The following NRXN1 variants were observed in gnomAD, a reference collection of about 807,000 sequenced individuals.
NRXN1 encodes neurexin-1.
Under a neutral mutation model 150.9 loss-of-function variants are expected in NRXN1, and 39 were observed. The ratio of observed to expected loss-of-function variants is 0.26; its 90% confidence interval spans 0.20 to 0.34. The LOEUF (loss-of-function observed/expected upper bound fraction) is 0.34. Ranked by LOEUF, NRXN1 falls within the 10% of genes least tolerant of loss-of-function variation. The pLI, the probability that NRXN1 is intolerant of heterozygous loss-of-function variation, is 1.00. For synonymous variants in NRXN1, 924 were observed against 757.0 expected, an observed-to-expected ratio of 1.22 and a Z score of -3.62; for missense variants, 1,815 against 1,949.9, an observed-to-expected ratio of 0.93 and a Z score of 1.30.
chr2:50,627,357 ATG>A (rs34870955), intron 5 of NRXN1, among the ~76,000 whole-genome samples: 3,611 of 143,574 alleles, frequency 0.025, 109 homozygotes, highest in African/African-American at 0.073. Flanking sequence ...TGGTTCATGT[ATG>A]TGTGTGTGTG....
chr2:50,963,365 C>T (rs1430619986), intron 2 of NRXN1, among the ~76,000 whole-genome samples: 1 of 151,566 alleles, frequency 6.6e-6, no homozygotes, highest in East Asian at 1.9e-4. Flanking sequence ...TTCTCCCTTT[C>T]ACTTTCCTCC....
Position 51,028,084 on chromosome 2 carries a change from G to A in NRXN1, c.190C>T (p.Arg64Cys), listed in dbSNP as rs201566733. The A allele has an allele frequency of 3.2e-6, 5 of 1,587,002 alleles. No individual in the cohort carries two copies. Among genetic ancestry groups the A allele is most frequent in the Non-Finnish European group, 4.3e-6 (5 of 1,170,110 alleles). The change falls in exon 2 of 23, where the codon CGC becomes TGC. Residue 64 changes from arginine to cysteine, a missense_variant. Arg to Cys is a radical substitution (Grantham distance 180). Coordinates refer to ENST00000401669, the MANE Select transcript of NRXN1 (RefSeq NM_001330078.2). Reference protein sequence around the residue: ...MSFQLKTRSARGLVLYFDDEG... With the variant: ...MSFQLKTRSACGLVLYFDDEG... Reference sequence around the variant, plus strand: ...TCGTCGAAGTAGAGCACGAGGCCGCGGGCGCTGCGAGTCTTGAGCTGGAAG... The same window carrying A: ...TCGTCGAAGTAGAGCACGAGGCCGCAGGCGCTGCGAGTCTTGAGCTGGAAG...
Position 50,324,905 on chromosome 2 carries a change from T to A in NRXN1, c.3365-87935A>T, listed in dbSNP as rs144939540. 2.6e-4 allele frequency among the ~76,000 whole-genome samples: 39 copies of A among 152,316 alleles called. 2 individuals carry two copies. In the East Asian group the frequency reaches 7.5e-3, roughly 29 times the overall value. On this transcript the variant is annotated intron_variant, in intron 17 of 22. Transcript: ENST00000401669. ...GCCCTGAAAAATCTGAATCTGACCC[T>A]GCAAGAATAGTTTCTGGTTGTGAGG...
intron 17 of NRXN1, among the ~76,000 whole-genome samples, chr2:50,394,097 T>C (rs1257648409): frequency 2.0e-5 from 3 of 152,178 alleles, no homozygotes; most frequent in African/African-American, 4.8e-5. Context: ...TATTCTCTGC[T>C]AGATTCTGTT....
chr2:50,627,373 G>A (rs1681313677), intron 5 of NRXN1, among the ~76,000 whole-genome samples: 1 of 150,978 alleles, frequency 6.6e-6, no homozygotes, highest in African/African-American at 2.4e-5. Context: ...GTGTGTGTGT[G>A]TGTGTGTGTG....
chr2:50,494,347 A>G (rs2091438871), intron 15 of NRXN1, among the ~76,000 whole-genome samples: 3 of 152,044 alleles, frequency 2.0e-5, no homozygotes, highest in South Asian at 2.1e-4. Context: ...AGCTTTGGTG[A>G]CTCGATCAGC....
intron 21 of NRXN1, among the ~76,000 whole-genome samples, chr2:49,960,688 A>C (rs1405430610): frequency 6.6e-6 from 1 of 152,186 alleles, no homozygotes; most frequent in Non-Finnish European, 1.5e-5. Flanking sequence ...CATTAAATTA[A>C]CACCACCCTC....
chr2:50,614,130 TA>T (rs1678647692), intron 8 of NRXN1, among the ~76,000 whole-genome samples: 1 of 152,100 alleles, frequency 6.6e-6, no homozygotes, highest in Non-Finnish European at 1.5e-5. Flanking sequence ...TACCAACCAG[TA>T]TATGGACCAT....
chr2:50,736,625 T>C (rs1390637365), intron 5 of NRXN1, among the ~76,000 whole-genome samples: 1 of 152,186 alleles, frequency 6.6e-6, no homozygotes, highest in Non-Finnish European at 1.5e-5. Context: ...GATGGTTTTA[T>C]AAGGGGAGAA....
At chr2:50,500,732 G>C (rs1225935396) in intron 13 of NRXN1, among the ~76,000 whole-genome samples, 1 of 152,182 alleles carries the variant, frequency 6.6e-6, no homozygotes, top group Non-Finnish European at 1.5e-5. Context: ...CCTAGATGCT[G>C]TGTTTGTATA....
At chr2:50,640,815 T>C (rs1218696632) in intron 5 of NRXN1, among the ~76,000 whole-genome samples, 1 of 152,208 alleles carries the variant, frequency 6.6e-6, no homozygotes, top group Non-Finnish European at 1.5e-5. Flanking sequence ...AGCCTATCTC[T>C]AAAACTCATT....
chr2:50,237,055 A>C, intron 17 of NRXN1, 85 bp from the exon 18 acceptor site: 1 of 1,279,528 alleles, frequency 7.8e-7, no homozygotes, highest in Non-Finnish European at 1.1e-6. Flanking sequence ...ATATCAGTAA[A>C]GTATCAACTC....
chr2:50,389,238 TAAAC>T (rs1558648480), intron 17 of NRXN1, among the ~76,000 whole-genome samples: 3 of 150,224 alleles, frequency 2.0e-5, no homozygotes, highest in Admixed American at 6.7e-5. Flanking sequence ...AAAATGGTGA[TAAAC>T]AGACAGATTC....
At chr2:49,967,873 A>G (rs1677227618) in intron 21 of NRXN1, among the ~76,000 whole-genome samples, 1 of 152,082 alleles carries the variant, frequency 6.6e-6, no homozygotes, top group Admixed American at 6.6e-5. Flanking sequence ...GAGGTTTTGT[A>G]AAGCAATCAA....
Position 51,027,714 on chromosome 2 carries a change from A to T in NRXN1, c.560T>A (p.Val187Glu), listed in dbSNP as rs1670771797. 1 of 1,608,994 alleles carries T rather than the reference A, an allele frequency of 6.2e-7. No homozygotes were observed. The highest frequency in any genetic ancestry group is 1.3e-5 in the African/African-American group (1 of 74,722). ...REPFKGWIRDVRVNSSQVLPV... is the reference protein window; with the variant it reads ...REPFKGWIRDERVNSSQVLPV... ...CAGGACCTGCGAGGAGTTGACCCTC[A>T]CGTCACGAATCCACCCCTTGAAGGG... The change falls in exon 2 of 23, where the codon GTG becomes GAG. Residue 187 changes from valine (V) to glutamate (E), a missense_variant. Physicochemically the swap from Val to Glu is moderately radical, Grantham distance 121. This residue lies in a region of NRXN1 where 554 missense variants were observed against 478.8 expected (regional missense o/e 1.16). Transcript: ENST00000401669.
At chr2:50,568,007 T>C (rs574263769) in intron 8 of NRXN1, among the ~76,000 whole-genome samples, 1 of 152,222 alleles carries the variant, frequency 6.6e-6, no homozygotes, top group Admixed American at 6.6e-5. Context: ...GTCCCCATTT[T>C]TCAGAAGAAA....
chr2:50,961,704 C>A (rs1693223811), intron 2 of NRXN1, among the ~76,000 whole-genome samples: 2 of 151,734 alleles, frequency 1.3e-5, no homozygotes, highest in Non-Finnish European at 2.9e-5. Context: ...TGATTCTAGT[C>A]CCTCCAAGAG....
At chr2:50,398,035 GA>G (rs1360291626) in intron 17 of NRXN1, among the ~76,000 whole-genome samples, 2 of 152,084 alleles carry the variant, frequency 1.3e-5, no homozygotes, top group Admixed American at 6.6e-5. Flanking sequence ...AAGAATGTTG[GA>G]AAAAAACATC....
intron 19 of NRXN1, among the ~76,000 whole-genome samples, chr2:50,059,227 T>C (rs1694109589): frequency 1.3e-5 from 2 of 152,136 alleles, no homozygotes; most frequent in African/African-American, 4.8e-5. Flanking sequence ...AGGAAATTAT[T>C]GCTATGTTTT....
Sources: allele counts gnomAD v4.1 joint callset (sites outside exome capture counted in the v4.1 genomes callset), GRCh38; gene constraint gnomAD v4.1.1; regional missense constraint gnomAD v4.1.1; transcripts MANE v1.5; gene names NCBI Gene and HGNC (gene_info 2026-07-23, HGNC 2026-07-21).